Variants in SPTBN1 observed in about 807,000 individuals in gnomAD.
SPTBN1 encodes the protein spectrin beta, non-erythrocytic 1.
SPTBN1 carries 32 observed loss-of-function variants against 266.4 expected under a neutral mutation model. The ratio of observed to expected loss-of-function variants is 0.12; its 90% CI spans 0.09 to 0.16. SPTBN1 has a LOEUF of 0.16. SPTBN1 is among the 10% of genes least tolerant of loss of function. The probability of loss-of-function intolerance (pLI) is 1.00; values close to 1 mark genes in which losing one functional copy is unlikely to be tolerated. For missense variants in SPTBN1, 2,296 were observed against 3,067.1 expected (o/e 0.75, Z 5.94); for synonymous variants, 1,336 against 1,162.2 (o/e 1.15, Z -3.04).
intron 2 of SPTBN1, among the ~76,000 whole-genome samples, chr2:54,559,990 G>T (rs913632218): frequency 6.6e-6 from 1 of 152,164 alleles, no homozygotes; most frequent in Non-Finnish European, 1.5e-5. Context: ...AAACGAGGCA[G>T]AACAGGACGT....
intron 10 of SPTBN1, 48 bp downstream of exon 10, chr2:54,623,644 C>T (rs1678137966): frequency 1.4e-6 from 2 of 1,456,566 alleles, no homozygotes; most frequent in African/African-American, 2.8e-5. Context: ...CTGGAGGCTT[C>T]AGGTTCTATC....
chr2:54,544,551 T>C (rs1558824143), intron 2 of SPTBN1, among the ~76,000 whole-genome samples: 1 of 152,136 alleles, frequency 6.6e-6, no homozygotes, highest in East Asian at 1.9e-4. Context: ...TTTTGTCTGT[T>C]TGTTTCTGAC....
intron 1 of SPTBN1, among the ~76,000 whole-genome samples, chr2:54,495,188 T>A (rs1668900200): frequency 6.6e-6 from 1 of 152,174 alleles, no homozygotes; most frequent in Non-Finnish European, 1.5e-5. Context: ...TGGCAGAGGT[T>A]GGTCTGGAGG....
At chr2:54,656,179 A>C (rs1240799169) in intron 29 of SPTBN1, among the ~76,000 whole-genome samples, 181 bp downstream of exon 29, 1 of 152,200 alleles carries the variant, frequency 6.6e-6, no homozygotes, top group African/African-American at 2.4e-5. Flanking sequence ...CCTATGGCGT[A>C]GTCATTTTTC....
At position 54,531,737 on chromosome 2, in the gene SPTBN1, C is replaced by T. The variant is rs370876129; in HGVS notation, c.148+5171C>T. On this transcript the variant is annotated intron_variant, in intron 2 of 35. Transcript: ENST00000356805. ...GTTCTTTCATTTTCCTTAAACTCTG[C>T]TGCTTGAAAATCAGTCTGATTCATA... 3.0e-4 allele frequency among the ~76,000 whole-genome samples: 46 copies of T among 152,148 alleles called. No homozygotes were observed. The South Asian group carries it at 8.7e-3, about 29-fold the overall frequency.
intron 2 of SPTBN1, among the ~76,000 whole-genome samples, chr2:54,595,876 G>T (rs924495987): frequency 6.6e-6 from 1 of 152,166 alleles, no homozygotes; most frequent in East Asian, 1.9e-4. Context: ...CATGAATCGT[G>T]ACCATCAACA....
intron 17 of SPTBN1, among the ~76,000 whole-genome samples, chr2:54,637,011 G>A (rs1424520301): frequency 6.6e-6 from 1 of 152,226 alleles, no homozygotes; most frequent in Admixed American, 6.5e-5. Flanking sequence ...GCCAAAGAGT[G>A]CTGGCACCTT....
intron 3 of SPTBN1, among the ~76,000 whole-genome samples, chr2:54,603,263 G>C (rs559245585): frequency 1.6e-4 from 22 of 135,228 alleles, no homozygotes; most frequent in Admixed American, 8.5e-4. Context: ...TAAGTGAAGA[G>C]AGCATTTGGA....
At chr2:54,656,943 G>C (rs1680707574) in intron 29 of SPTBN1, among the ~76,000 whole-genome samples, 1 of 152,188 alleles carries the variant, frequency 6.6e-6, no homozygotes, top group Admixed American at 6.5e-5. Flanking sequence ...TAAGTCCCTA[G>C]TGCAGAGGTG....
rs1673018612 is a variant in SPTBN1, at chr2:54,558,334, C to G, written c.148+31768C>G. The G allele has an allele frequency of 1.0e-6, 1 of 995,342 alleles. No individual in the cohort carries two copies. Among genetic ancestry groups the G allele is most frequent in the South Asian group, 4.4e-5 (1 of 22,804 alleles). The allele number at this position is 995,342 out of a possible 1,614,324, so 61.7% of individuals were successfully genotyped here. A position where few individuals can be genotyped will look rare whatever the true frequency, so the allele number is the denominator to read the frequency against. On this transcript the variant is annotated intron_variant, in intron 2 of 35. Transcript: ENST00000356805. This position sits in a 1 kb window ranked among gnomAD's most constrained non-coding sequence, Gnocchi z 4.6. Reference sequence around the variant, plus strand: ...AATCAGGTGACATCACCGCCCAGCACACGGCGAGTGGCTCCTGATAAAATT... The same window carrying G: ...AATCAGGTGACATCACCGCCCAGCAGACGGCGAGTGGCTCCTGATAAAATT...
At chr2:54,661,539 A>G (rs1681044240) in intron 32 of SPTBN1, 4 of 985,752 alleles carry the variant, frequency 4.1e-6, no homozygotes, top group Non-Finnish European at 1.2e-6. Context: ...ATGGGTATAT[A>G]GATAGATGCC....
intron 19 of SPTBN1, among the ~76,000 whole-genome samples, chr2:54,643,965 C>G (rs529308365): frequency 9.9e-4 from 137 of 137,824 alleles, no homozygotes; most frequent in African/African-American, 3.6e-3. Context: ...GAACGAGACT[C>G]TGTCTCAATA....
At chr2:54,483,278 G>T (rs1388894899) in intron 1 of SPTBN1, among the ~76,000 whole-genome samples, 1 of 152,156 alleles carries the variant, frequency 6.6e-6, no homozygotes, top group East Asian at 1.9e-4. Context: ...GGGCCCCCAT[G>T]TTCTTGGAGC....
At chr2:54,571,734 A>T (rs1476889695) in intron 2 of SPTBN1, among the ~76,000 whole-genome samples, 2 of 152,152 alleles carry the variant, frequency 1.3e-5, no homozygotes, top group Non-Finnish European at 2.9e-5. Context: ...CTTCTTAGGG[A>T]TGGCATACAA....
At chr2:54,541,893 G>A (rs940254886) in intron 2 of SPTBN1, among the ~76,000 whole-genome samples, 1 of 152,176 alleles carries the variant, frequency 6.6e-6, no homozygotes, top group Admixed American at 6.5e-5. Context: ...ACAAAGTAGT[G>A]TTTACGTGTA....
intron 1 of SPTBN1, among the ~76,000 whole-genome samples, chr2:54,467,541 A>G (rs1333019863): frequency 1.3e-5 from 2 of 151,980 alleles, no homozygotes; most frequent in African/African-American, 4.8e-5. Context: ...GCCTGCCACC[A>G]TGCCCAGCTA....
In SPTBN1 at chr2:54,554,474, G is replaced by A. The variant is rs1672750281; in HGVS notation, c.148+27908G>A. ...TGGTTATTACGGCCATTCAGTTTAA[G>A]TGGAGATTGATGATAACTGGGACTG... On this transcript the variant is annotated intron_variant, in intron 2 of 35. Coordinates refer to ENST00000356805, the MANE Select transcript of SPTBN1 (RefSeq NM_003128.3). This position sits in a 1 kb window ranked among gnomAD's most constrained non-coding sequence, Gnocchi z 4.5. Among the ~76,000 whole-genome samples the A allele has an allele frequency of 6.6e-6, 1 of 152,236 alleles. No individual in the cohort carries two copies. The highest frequency in any genetic ancestry group is 1.5e-5 in the Non-Finnish European group (1 of 68,040).
chr2:54,649,534 C>G lies in SPTBN1; in HGVS notation c.5203-81C>G, dbSNP rs1248104131. 10 of 1,528,408 alleles carry G rather than the reference C, an allele frequency of 6.5e-6. No homozygotes were observed. Among genetic ancestry groups the G allele is most frequent in the Non-Finnish European group, 7.9e-6 (9 of 1,135,912 alleles). The allele number at this position is 1,528,408 out of a possible 1,614,324, so 94.7% of individuals were successfully genotyped here. A position where few individuals can be genotyped will look rare whatever the true frequency, so the allele number is the denominator to read the frequency against. ...GCTACATCTTGCTTAGAGGCAGTTT[C>G]TTTCCAAAGGGTATTCATGTGATCA... On this transcript the variant is annotated intron_variant, in intron 25 of 35. Transcript: ENST00000356805. This position sits in a 1 kb window ranked among gnomAD's most constrained non-coding sequence, Gnocchi z 6.7.
At chr2:54,561,738 G>A (rs1673317307) in intron 2 of SPTBN1, among the ~76,000 whole-genome samples, 1 of 148,024 alleles carries the variant, frequency 6.8e-6, no homozygotes. Context: ...TATAAATCGA[G>A]TTATATATTT....
Sources: allele counts gnomAD v4.1 joint callset (sites outside exome capture counted in the v4.1 genomes callset), GRCh38; gene constraint gnomAD v4.1.1; non-coding constraint Gnocchi (gnomAD v3.1); transcripts MANE v1.5; gene names NCBI Gene and HGNC (gene_info 2026-07-23, HGNC 2026-07-21).